The following RTTN variants were observed in gnomAD, a reference collection of about 807,000 sequenced individuals.
RTTN encodes rotatin.
In RTTN, 182 loss-of-function variants were observed where a neutral mutation model predicts 269.2. The ratio of observed to expected loss-of-function variants is 0.68; its 90% confidence interval spans 0.60 to 0.76. The LOEUF is 0.76. Among genes scored for constraint, RTTN ranks in the 30% least tolerant of loss-of-function variants. The pLI is 0.00. For synonymous variants in RTTN, 1,006 were observed against 963.5 expected (o/e 1.04, Z -0.82); for missense variants, 2,545 against 2,608.6 (o/e 0.98, Z 0.53).
intron 14 of RTTN, among the ~76,000 whole-genome samples, chr18:70,163,867 T>C (rs935281160): frequency 1.3e-5 from 2 of 152,100 alleles, no homozygotes; most frequent in Non-Finnish European, 2.9e-5. Flanking sequence ...ATACAGACAA[T>C]AGATTATTAT....
At chr18:70,094,820 T>C (rs2058954058) in intron 28 of RTTN, among the ~76,000 whole-genome samples, 1 of 152,072 alleles carries the variant, frequency 6.6e-6, no homozygotes. Flanking sequence ...CAGAGCTGAG[T>C]TCAACTCTTG....
At chr18:70,198,651 G>A (rs1438422618) in intron 5 of RTTN, among the ~76,000 whole-genome samples, 2 of 152,136 alleles carry the variant, frequency 1.3e-5, no homozygotes, top group Non-Finnish European at 2.9e-5. Flanking sequence ...ATTTACTCTT[G>A]TGGGTAGCAA....
At chr18:70,198,700 C>T (rs9948899) in intron 5 of RTTN, among the ~76,000 whole-genome samples, 2,955 of 152,240 alleles carry the variant, frequency 0.019, 81 homozygotes, top group African/African-American at 0.067. Context: ...ATCAGTGGTA[C>T]CCAACCTTAT....
At chr18:70,033,604 T>C (rs1353738267) in intron 40 of RTTN, among the ~76,000 whole-genome samples, 1 of 152,114 alleles carries the variant, frequency 6.6e-6, no homozygotes, top group Non-Finnish European at 1.5e-5. Flanking sequence ...GAGCGCTAAA[T>C]GCCCATATTG....
chr18:70,040,345 T>A (rs993421089), intron 40 of RTTN, among the ~76,000 whole-genome samples: 8 of 151,760 alleles, frequency 5.3e-5, no homozygotes, highest in Non-Finnish European at 2.9e-5. Flanking sequence ...ACAAAATAGA[T>A]GTCAAAACAA....
intron 10 of RTTN, among the ~76,000 whole-genome samples, chr18:70,182,918 T>C (rs2061452645): frequency 6.6e-6 from 1 of 152,228 alleles, no homozygotes; most frequent in African/African-American, 2.4e-5. Context: ...ACACTTTGAA[T>C]GATTATTCTA....
intron 36 of RTTN, 92 bp from the exon 37 acceptor site, chr18:70,057,924 C>T (rs889710115): frequency 1.1e-5 from 9 of 789,114 alleles, no homozygotes; most frequent in African/African-American, 1.8e-5. Context: ...AAAGGTAACT[C>T]GAATACAATT....
At chr18:70,077,752 CAAAT>C (rs1461920609) in intron 32 of RTTN, among the ~76,000 whole-genome samples, 4 of 151,682 alleles carry the variant, frequency 2.6e-5, no homozygotes, top group African/African-American at 9.7e-5. Flanking sequence ...CTAAATCTAT[CAAAT>C]AAAGTTTAGA....
intron 32 of RTTN, among the ~76,000 whole-genome samples, chr18:70,081,770 G>A (rs2058574865): frequency 6.6e-6 from 1 of 151,950 alleles, no homozygotes. Context: ...ATCCAGGATT[G>A]GATTTTTTTT....
At chr18:70,154,788 G>A (rs115569463) in intron 14 of RTTN, among the ~76,000 whole-genome samples, 2,494 of 152,166 alleles carry the variant, frequency 0.016, 65 homozygotes, top group African/African-American at 0.055. Flanking sequence ...TTGATTGATC[G>A]CAAGGTTCAC....
rs1222489760 is a variant in RTTN at position 70,205,662 on chromosome 18, G to C, written c.-4C>G. 6 of 1,613,954 alleles carry C rather than the reference G, an allele frequency of 3.7e-6. No individual in the cohort carries two copies. In the Admixed American group the frequency reaches 6.7e-5, roughly 18 times the overall value. On this transcript the variant is annotated 5_prime_UTR_variant, in exon 1 of 49. Transcript: ENST00000640769. ...TGATGAGCCCTGCCAGGACCATCTC[G>C]TCCCGTCAATCTGCAGCCGCCGGAG...
chr18:70,175,862 C>T (rs2145976153), intron 11 of RTTN, among the ~76,000 whole-genome samples: 1 of 152,138 alleles, frequency 6.6e-6, no homozygotes, highest in East Asian at 1.9e-4. Context: ...GCAATGGAAA[C>T]TATTGTTTGT....
In RTTN at chr18:70,168,763, T is replaced by C; in HGVS notation, c.1689+92A>G. On this transcript the variant is annotated intron_variant, in intron 12 of 48. Coordinates refer to ENST00000640769, the MANE Select transcript of RTTN (RefSeq NM_173630.4). The stretch of plus-strand genomic sequence containing the variant: ...GAATAATGTATCCCACCTGTGACAA[T>C]TTAATTATATGTCCATCAATTTGAA... The C allele has an allele frequency of 5.2e-6, 5 of 953,570 alleles. No homozygotes were observed. The South Asian group carries it at 8.5e-5, about 16-fold the overall frequency. 59.1% of individuals were successfully genotyped at this position (953,570 alleles called of 1,614,324 possible). A position where few individuals can be genotyped will look rare whatever the true frequency, so the allele number is the denominator to read the frequency against.
intron 28 of RTTN, among the ~76,000 whole-genome samples, chr18:70,099,677 T>C (rs1055678624): frequency 1.3e-5 from 2 of 152,182 alleles, no homozygotes; most frequent in Non-Finnish European, 2.9e-5. Flanking sequence ...CTGAATGGTA[T>C]TGCCTAGGTT....
chr18:70,020,320 TG>T (rs1178239123), intron 45 of RTTN, among the ~76,000 whole-genome samples: 6 of 152,344 alleles, frequency 3.9e-5, no homozygotes, highest in African/African-American at 1.4e-4. Context: ...TTCCAATAAA[TG>T]TAAGACGGCT....
At chr18:70,095,507 C>T (rs1029112282) in intron 28 of RTTN, among the ~76,000 whole-genome samples, 2 of 152,144 alleles carry the variant, frequency 1.3e-5, no homozygotes, top group African/African-American at 4.8e-5. Context: ...GTGACAAAAT[C>T]TCTCAGCATT....
intron 35 of RTTN, among the ~76,000 whole-genome samples, 181 bp from the exon 36 acceptor site, chr18:70,060,223 C>T (rs778836811): frequency 6.6e-6 from 1 of 152,132 alleles, no homozygotes; most frequent in African/African-American, 2.4e-5. Flanking sequence ...CTACTCCTGA[C>T]CTCCACCTTC....
At chr18:70,047,939 TA>T in intron 40 of RTTN, 31 bp downstream of exon 40, 1 of 1,547,688 alleles carries the variant, frequency 6.5e-7, no homozygotes, top group South Asian at 1.1e-5. Context: ...AAACGCTAAA[TA>T]AAGTTTTTGA....
At chr18:70,193,522 G>A (rs1028585912) in intron 7 of RTTN, 69 bp from the exon 8 acceptor site, 6 of 1,121,430 alleles carry the variant, frequency 5.4e-6, no homozygotes, top group Non-Finnish European at 7.4e-6. Flanking sequence ...TGGTATTTAT[G>A]TATCATTCTT....
Sources: allele counts gnomAD v4.1 joint callset (sites outside exome capture counted in the v4.1 genomes callset), GRCh38; gene constraint gnomAD v4.1.1; transcripts MANE v1.5; gene names NCBI Gene and HGNC (gene_info 2026-07-23, HGNC 2026-07-21).